The following BPGM variants were observed in gnomAD, a reference collection of about 807,000 sequenced individuals.
The protein encoded by BPGM is 2,3-bisphosphoglycerate mutase, erythrocyte.
BPGM carries 15 observed loss-of-function variants against 21.6 expected under a neutral mutation model. The ratio of observed to expected loss-of-function variants is 0.70; its 90% CI spans 0.47 to 1.07. The LOEUF (loss-of-function observed/expected upper bound fraction) is 1.07. Ranked by LOEUF, BPGM falls within the 50% of genes least tolerant of loss-of-function variation. BPGM has a pLI of 0.00. For synonymous variants in BPGM, 113 were observed against 116.2 expected (o/e 0.97, Z 0.18); for missense variants, 273 against 319.0 (o/e 0.86, Z 1.10).
At chr7:134,652,349 G>C (rs1441853956) in intron 1 of BPGM, among the ~76,000 whole-genome samples, 1 of 152,040 alleles carries the variant, frequency 6.6e-6, no homozygotes, top group Non-Finnish European at 1.5e-5. Context: ...TTTAAATTAT[G>C]GATGCATAAT....
At chr7:134,678,494 A>G (rs1796013389) in intron 2 of BPGM, among the ~76,000 whole-genome samples, 1 of 152,194 alleles carries the variant, frequency 6.6e-6, no homozygotes, top group Non-Finnish European at 1.5e-5. Flanking sequence ...AAATACAGCC[A>G]ATGCTCCTGG....
At chr7:134,667,005 A>G (rs4732046) in intron 2 of BPGM, among the ~76,000 whole-genome samples, 84,622 of 151,970 alleles carry the variant, frequency 0.56, 24,499 homozygotes, top group East Asian at 0.77. Context: ...AGGCATGTTA[A>G]TCTAATGTTA....
chr7:134,662,835 G>A (rs1417542198), intron 2 of BPGM, among the ~76,000 whole-genome samples: 1 of 152,194 alleles, frequency 6.6e-6, no homozygotes, highest in African/African-American at 2.4e-5. Context: ...TGTTCTACAT[G>A]TATACTAAAA....
intron 1 of BPGM, among the ~76,000 whole-genome samples, chr7:134,648,546 C>A (rs943562318): frequency 1.1e-4 from 17 of 152,194 alleles, no homozygotes; most frequent in Non-Finnish European, 2.5e-4. Flanking sequence ...TGGTGGTGGA[C>A]TTCAGAGAAG....
intron 2 of BPGM, among the ~76,000 whole-genome samples, chr7:134,662,831 A>C (rs1411664409): frequency 6.6e-6 from 1 of 152,264 alleles, no homozygotes; most frequent in East Asian, 1.9e-4. Context: ...GTCATGTTCT[A>C]CATGTATACT....
chr7:134,654,988 C>G (rs997354698), intron 1 of BPGM, among the ~76,000 whole-genome samples: 4 of 152,280 alleles, frequency 2.6e-5, no homozygotes, highest in African/African-American at 9.6e-5. Context: ...AGCCAGATCA[C>G]ACTTTAAAAA....
intron 1 of BPGM, chr7:134,660,692 C>G (rs1350158993): frequency 6.6e-6 from 1 of 152,302 alleles, no homozygotes; most frequent in Non-Finnish European, 1.5e-5. Context: ...AGGCAGCATC[C>G]CTCAGCTGCT....
At chr7:134,663,787 C>T (rs1430882878) in intron 2 of BPGM, among the ~76,000 whole-genome samples, 1 of 152,180 alleles carries the variant, frequency 6.6e-6, no homozygotes, top group African/African-American at 2.4e-5. Flanking sequence ...ATACCATTGA[C>T]TCTTCACCTA....
intron 2 of BPGM, among the ~76,000 whole-genome samples, chr7:134,673,454 G>A (rs1039394984): frequency 4.6e-5 from 7 of 152,148 alleles, no homozygotes; most frequent in Non-Finnish European, 7.4e-5. Context: ...GACCAAACTT[G>A]AGAGTGCTGC....
chr7:134,665,714 C>T (rs1457942371), intron 2 of BPGM, among the ~76,000 whole-genome samples: 1 of 145,644 alleles, frequency 6.9e-6, no homozygotes, highest in Non-Finnish European at 1.5e-5. Context: ...ACTTACAGGG[C>T]TCATTGGGAA....
chr7:134,648,105 T>TTTTC (rs1267417199), intron 1 of BPGM, among the ~76,000 whole-genome samples: 17 of 148,536 alleles, frequency 1.1e-4, no homozygotes, highest in Middle Eastern at 3.5e-3. Context: ...GCCTTGTCTT[T>TTTTC]TTTCTTTCTT....
intron 1 of BPGM, among the ~76,000 whole-genome samples, chr7:134,653,959 A>G (rs1217269083): frequency 1.3e-5 from 2 of 152,132 alleles, no homozygotes; most frequent in Admixed American, 6.6e-5. Flanking sequence ...CTGTTCCCCT[A>G]GATTGGAATT....
chr7:134,657,270 G>A (rs1281790429), intron 1 of BPGM, among the ~76,000 whole-genome samples: 1 of 152,188 alleles, frequency 6.6e-6, no homozygotes, highest in African/African-American at 2.4e-5. Context: ...ATGGAGAGAA[G>A]AGATGAAGGG....
At chr7:134,662,911 G>A (rs530496225) in intron 2 of BPGM, among the ~76,000 whole-genome samples, 1 of 152,272 alleles carries the variant, frequency 6.6e-6, no homozygotes, top group African/African-American at 2.4e-5. Flanking sequence ...CAGGTTCACC[G>A]GTTTTGAGCA....
intron 2 of BPGM, among the ~76,000 whole-genome samples, chr7:134,677,822 C>G (rs535746233): frequency 6.6e-6 from 1 of 152,160 alleles, no homozygotes; most frequent in African/African-American, 2.4e-5. Flanking sequence ...CTTTCTCATG[C>G]CTTCCCTTTG....
chr7:134,647,309 A>G (rs1795476651), intron 1 of BPGM: 1 of 152,244 alleles, frequency 6.6e-6, no homozygotes, highest in South Asian at 2.1e-4. Context: ...GGAAGGAAGC[A>G]GGGCGATGCC....
intron 1 of BPGM, chr7:134,658,810 T>G (rs1795681617): frequency 6.6e-6 from 1 of 152,124 alleles, no homozygotes; most frequent in Admixed American, 6.6e-5. Flanking sequence ...ATTCCTGTGC[T>G]TCAGAGTGAG....
chr7:134,663,828 C>G (rs564165280), intron 2 of BPGM, among the ~76,000 whole-genome samples: 4 of 152,288 alleles, frequency 2.6e-5, no homozygotes, highest in African/African-American at 9.6e-5. Context: ...CTCTTTAAAA[C>G]GATTCTACAG....
At chr7:134,668,386 T>C (rs1795851478) in intron 2 of BPGM, among the ~76,000 whole-genome samples, 1 of 152,200 alleles carries the variant, frequency 6.6e-6, no homozygotes, top group African/African-American at 2.4e-5. Flanking sequence ...ATACTGTGTT[T>C]TAAGAAGCTG....
Sources: gnomAD v4.1 joint callset for allele counts (sites outside exome capture counted in the v4.1 genomes callset) on GRCh38, gnomAD v4.1.1 for gene constraint, MANE v1.5 for transcripts, NCBI Gene and HGNC (gene_info 2026-07-23, HGNC 2026-07-21) for gene names.